The following FNTB variants were observed in gnomAD, a reference collection of about 807,000 sequenced individuals.
FNTB encodes the protein farnesyltransferase, CAAX box, subunit beta.
A neutral mutation model predicts 59.4 loss-of-function variants in FNTB; 27 were observed. The ratio of observed to expected loss-of-function variants is 0.45; its 90% CI spans 0.34 to 0.63. The LOEUF (loss-of-function observed/expected upper bound fraction) is 0.63. FNTB is among the 20% of genes least tolerant of loss of function. The pLI is 0.02. For missense variants in FNTB, 449 were observed against 559.6 expected (o/e 0.80, Z 1.99); for synonymous variants, 230 against 220.7 (o/e 1.04, Z -0.37).
At chr14:65,013,949 G>T (rs930666304) in intron 3 of FNTB, among the ~76,000 whole-genome samples, 1 of 152,210 alleles carries the variant, frequency 6.6e-6, no homozygotes, top group African/African-American at 2.4e-5. Context: ...TTTGCTCAAA[G>T]GCACATAGCG....
chr14:65,033,156 T>C (rs1356339750), intron 7 of FNTB, among the ~76,000 whole-genome samples: 1 of 152,136 alleles, frequency 6.6e-6, no homozygotes, highest in Non-Finnish European at 1.5e-5. Context: ...CGGAATATAA[T>C]GTAGCAGTGA....
Position 65,028,825 on chromosome 14 carries a change from C to T in FNTB, c.605+1044C>T, listed in dbSNP as rs1002982719. ...AAATGTTAAAAGAGTTTTTTTCCCT[C>T]GTGTTCACTACATTTTCGTTCCTGT... On this transcript the variant is annotated intron_variant, in intron 6 of 11. Coordinates refer to ENST00000246166, the MANE Select transcript of FNTB (RefSeq NM_002028.4). This position sits in a 1 kb window ranked among gnomAD's most constrained non-coding sequence, Gnocchi z 4.4. Among the ~76,000 whole-genome samples, 4 of 152,240 alleles carry T rather than the reference C, an allele frequency of 2.6e-5. No homozygotes were observed. Among genetic ancestry groups the T allele is most frequent in the Non-Finnish European group, 4.4e-5 (3 of 68,010 alleles).
Position 65,047,163 on chromosome 14 carries a change from T to G in FNTB, c.955+2720T>G, listed in dbSNP as rs2062502353. ...TGCCACTACTACTGGTAGCGGAGTCTTCCCAAGCCCTCACTGTATGCCAGG... is the reference window on the plus strand; with the variant it reads ...TGCCACTACTACTGGTAGCGGAGTCGTCCCAAGCCCTCACTGTATGCCAGG... On this transcript the variant is annotated intron_variant, in intron 9 of 11. Coordinates refer to ENST00000246166, the MANE Select transcript of FNTB (RefSeq NM_002028.4). This position sits in a 1 kb window ranked among gnomAD's most constrained non-coding sequence, Gnocchi z 5.2. 6.6e-6 allele frequency among the ~76,000 whole-genome samples: 1 copy of G among 152,242 alleles called. No homozygotes were observed. The highest frequency in any genetic ancestry group is 1.5e-5 in the Non-Finnish European group (1 of 68,036).
At position 65,027,336 on chromosome 14, in the gene FNTB, C is replaced by T; in HGVS notation, c.375-117C>T. The stretch of plus-strand genomic sequence containing the variant: ...TATTCAACAAGTGGGAGGAGAGGTT[C>T]CCCTCAACTTTTGAGGGAGTGGGGG... On this transcript the variant is annotated intron_variant, in intron 4 of 11. Coordinates refer to ENST00000246166, the MANE Select transcript of FNTB (RefSeq NM_002028.4). This position sits in a 1 kb window ranked among gnomAD's most constrained non-coding sequence, Gnocchi z 5.7. 3 of 1,480,364 alleles carry T rather than the reference C, an allele frequency of 2.0e-6. No individual in the cohort carries two copies. Among genetic ancestry groups the T allele is most frequent in the East Asian group, 2.3e-5 (1 of 44,060 alleles). The allele number at this position is 1,480,364 out of a possible 1,614,324, so 91.7% of individuals were successfully genotyped here.
chr14:65,022,389 G>T (rs2061905857), intron 4 of FNTB, among the ~76,000 whole-genome samples: 2 of 151,648 alleles, frequency 1.3e-5, no homozygotes, highest in African/African-American at 4.8e-5. Flanking sequence ...TAGTGCTGAA[G>T]TTTTTTATGT....
chr14:65,005,371 G>T (rs1044793403), intron 2 of FNTB, among the ~76,000 whole-genome samples: 8 of 151,950 alleles, frequency 5.3e-5, no homozygotes, highest in Admixed American at 1.3e-4. Context: ...TATATTTCCA[G>T]CCATCAGAAT....
Position 65,009,956 on chromosome 14 carries a change from C to T in FNTB, c.210-2361C>T, listed in dbSNP as rs559687832. Among the ~76,000 whole-genome samples, 3 of 152,274 alleles carry T rather than the reference C, an allele frequency of 2.0e-5. No individual in the cohort carries two copies. The South Asian group carries it at 6.2e-4, about 32-fold the overall frequency. On this transcript the variant is annotated intron_variant, in intron 2 of 11. Transcript: ENST00000246166. The surrounding 1 kb of genome is among the most constrained non-coding windows in gnomAD (Gnocchi z 4.2). ...CAGCCTCTACCCCAGTGCTGGACAA[C>T]ACTCTGCCCACACAGATGGGTGCTC...
intron 7 of FNTB, among the ~76,000 whole-genome samples, chr14:65,035,553 C>A (rs7155275): frequency 0.57 from 85,749 of 151,752 alleles, 24,897 homozygotes; most frequent in African/African-American, 0.69. Context: ...TTTTTGAGAC[C>A]GAGTCTTGCT....
intron 2 of FNTB, among the ~76,000 whole-genome samples, chr14:65,008,809 C>G (rs2061637310): frequency 6.6e-6 from 1 of 152,174 alleles, no homozygotes. Flanking sequence ...GGGCTCACCC[C>G]TCATAAGAAA....
At position 65,007,556 on chromosome 14, in the gene FNTB, C is replaced by G. The variant is rs1166308368; in HGVS notation, c.209+3243C>G. On this transcript the variant is annotated intron_variant, in intron 2 of 11. Transcript: ENST00000246166. This position sits in a 1 kb window ranked among gnomAD's most constrained non-coding sequence, Gnocchi z 4.9. ...GCCTGGAGCTGAATGTCAGTACATT[C>G]TATACTTAATCCCCTTCCCAGAAAT... Among the ~76,000 whole-genome samples, 1 of 152,204 alleles carries G rather than the reference C, an allele frequency of 6.6e-6. No homozygotes were observed. The highest frequency in any genetic ancestry group is 1.9e-4 in the East Asian group (1 of 5,192).
chr14:65,061,437 G>A lies in FNTB; in HGVS notation c.*125G>A, dbSNP rs1021233959. On this transcript the variant is annotated 3_prime_UTR_variant, in exon 12 of 12. Coordinates refer to ENST00000246166, the MANE Select transcript of FNTB (RefSeq NM_002028.4). ...GCCTCAGTGGAGCTGTGGTTCTCTT[G>A]GTACTTTCTTGTCAAACAAAACCAA... 2.1e-5 allele frequency: 30 copies of A among 1,424,422 alleles called. No homozygotes were observed. In the East Asian group the frequency reaches 4.7e-4, roughly 22 times the overall value. The allele number at this position is 1,424,422 out of a possible 1,614,324, so 88.2% of individuals were successfully genotyped here.
intron 1 of FNTB, among the ~76,000 whole-genome samples, chr14:64,996,948 T>A (rs1888421598): frequency 6.6e-6 from 1 of 152,118 alleles, no homozygotes; most frequent in Non-Finnish European, 1.5e-5. Context: ...TTTTATGCAT[T>A]CATAAACAAC....
chr14:65,004,607 G>C (rs2061553019), intron 2 of FNTB, among the ~76,000 whole-genome samples: 1 of 152,064 alleles, frequency 6.6e-6, no homozygotes, highest in Admixed American at 6.6e-5. Flanking sequence ...TTTGTTTAGT[G>C]GTGGCCTGCT....
In FNTB at chr14:65,029,266, A is replaced by G. The variant is rs76574671; in HGVS notation, c.605+1485A>G. Among the ~76,000 whole-genome samples, 963 of 152,298 alleles carry G rather than the reference A, an allele frequency of 6.3e-3. 17 individuals carry two copies. Among genetic ancestry groups the G allele is most frequent in the South Asian group, 0.044 (210 of 4,822 alleles). On this transcript the variant is annotated intron_variant, in intron 6 of 11. Coordinates refer to ENST00000246166, the MANE Select transcript of FNTB (RefSeq NM_002028.4). The surrounding 1 kb of genome is among the most constrained non-coding windows in gnomAD (Gnocchi z 4.7). ...GCCTGGTTTCTAGTACCCCGATTCC[A>G]TCATTTTTCACTTGGCATTTCTTTC...
Position 65,052,275 on chromosome 14 carries a change from GCT to G in FNTB, c.956-962_956-961del, listed in dbSNP as rs762828193. On this transcript the variant is annotated intron_variant, in intron 9 of 11. Coordinates refer to ENST00000246166, the MANE Select transcript of FNTB (RefSeq NM_002028.4). ...ATAGTGGTATAAGTGAAAAACATAA[GCT>G]ACACAGTTATAATAACTAGGTAGAA... Among the ~76,000 whole-genome samples the G allele has an allele frequency of 2.3e-3, 353 of 152,240 alleles. 1 individual carries two copies. Among genetic ancestry groups the G allele is most frequent in the Non-Finnish European group, 4.1e-3 (280 of 68,008 alleles).
intron 11 of FNTB, among the ~76,000 whole-genome samples, chr14:65,056,353 C>T (rs1240333930): frequency 6.6e-6 from 1 of 152,126 alleles, no homozygotes; most frequent in African/African-American, 2.4e-5. Flanking sequence ...TTGCAGTGAA[C>T]GTTGTGGTAT....
rs926816372 is a variant in FNTB at position 65,012,101 on chromosome 14, A to G, written c.210-216A>G. Reference sequence around the variant, plus strand: ...AATCGCACTCTAAATGTCAGCTGGCATGGTTTTCAGATGCTTTAGAGACAT... The same window carrying G: ...AATCGCACTCTAAATGTCAGCTGGCGTGGTTTTCAGATGCTTTAGAGACAT... On this transcript the variant is annotated intron_variant, in intron 2 of 11. Coordinates refer to ENST00000246166, the MANE Select transcript of FNTB (RefSeq NM_002028.4). The surrounding 1 kb of genome is among the most constrained non-coding windows in gnomAD (Gnocchi z 5.0). The G allele has an allele frequency of 5.7e-6, 3 of 527,928 alleles. No individual in the cohort carries two copies. The highest frequency in any genetic ancestry group is 6.8e-6 in the Non-Finnish European group (2 of 295,718). The allele number at this position is 527,928 out of a possible 1,614,324, so 32.7% of individuals were successfully genotyped here. A position where few individuals can be genotyped will look rare whatever the true frequency, so the allele number is the denominator to read the frequency against.
At chr14:64,995,691 A>G (rs1296890191) in intron 1 of FNTB, among the ~76,000 whole-genome samples, 2 of 150,282 alleles carry the variant, frequency 1.3e-5, no homozygotes, top group Non-Finnish European at 3.0e-5. Context: ...TATATATTTT[A>G]AAGATATATG....
chr14:64,992,477 A>G (rs753513386), intron 1 of FNTB, among the ~76,000 whole-genome samples: 2 of 152,142 alleles, frequency 1.3e-5, no homozygotes, highest in African/African-American at 2.4e-5. Flanking sequence ...CACTATTTTT[A>G]TCATCACTGG....
Sources: allele counts gnomAD v4.1 joint callset (sites outside exome capture counted in the v4.1 genomes callset), GRCh38; gene constraint gnomAD v4.1.1; non-coding constraint Gnocchi (gnomAD v3.1); transcripts MANE v1.5; gene names NCBI Gene and HGNC (gene_info 2026-07-23, HGNC 2026-07-21).